The following TCN1 variants were observed in gnomAD, a reference collection of about 807,000 sequenced individuals.
The protein encoded by TCN1 is transcobalamin 1, also known as transcobalamin-1.
TCN1 carries 47 observed loss-of-function variants against 46.3 expected under a neutral mutation model. The ratio of observed to expected loss-of-function variants is 1.01; its 90% confidence interval spans 0.80 to 1.29. The LOEUF is 1.29. Ranked by LOEUF, TCN1 falls within the 50% of genes most tolerant of loss-of-function variation. The pLI is 0.00. For synonymous variants in TCN1, 183 were observed against 192.5 expected (o/e 0.95, Z 0.41); for missense variants, 532 against 511.0 (o/e 1.04, Z -0.40).
chr11:59,861,486 C>G, intron 4 of TCN1, 41 bp downstream of exon 4: 3 of 1,607,506 alleles, frequency 1.9e-6, no homozygotes, highest in Non-Finnish European at 2.6e-6. Context: ...CTACTGGTGA[C>G]CATGTCCTCT....
At position 59,853,104 on chromosome 11, in the gene TCN1, C is replaced by T. The variant is rs1009464587; in HGVS notation, c.1241-68G>A. 3.8e-6 allele frequency: 6 copies of T among 1,598,328 alleles called. No homozygotes were observed. In the Admixed American group the frequency reaches 1.0e-4, roughly 27 times the overall value. On this transcript the variant is annotated intron_variant, in intron 8 of 8. Coordinates refer to ENST00000257264, the MANE Select transcript of TCN1 (RefSeq NM_001062.4). ...CACTAAATCACCAAATAATGGATGT[C>T]ATCTCTACTAACCCCTTGGCCCAAT...
At chr11:59,865,485 A>G (rs1008671426) in intron 1 of TCN1, among the ~76,000 whole-genome samples, 3 of 152,184 alleles carry the variant, frequency 2.0e-5, no homozygotes, top group Non-Finnish European at 4.4e-5. Flanking sequence ...AGAAGAGTCT[A>G]TGCTTTAGCC....
intron 7 of TCN1, among the ~76,000 whole-genome samples, chr11:59,853,607 G>C (rs1410271127): frequency 6.6e-6 from 1 of 152,162 alleles, no homozygotes; most frequent in Non-Finnish European, 1.5e-5. Flanking sequence ...TGCCATGGTA[G>C]ATAGGTTTCA....
At chr11:59,864,903 G>A (rs1020791891) in intron 1 of TCN1, among the ~76,000 whole-genome samples, 1 of 152,122 alleles carries the variant, frequency 6.6e-6, no homozygotes, top group African/African-American at 2.4e-5. Flanking sequence ...AGAACATGAG[G>A]TTTGGATTCA....
At chr11:59,857,949 C>T (rs1367111915) in intron 5 of TCN1, among the ~76,000 whole-genome samples, 1 of 152,170 alleles carries the variant, frequency 6.6e-6, no homozygotes, top group African/African-American at 2.4e-5. Flanking sequence ...GCGGGGGATA[C>T]ATTCCAAGAC....
chr11:59,862,837 A>C, intron 2 of TCN1, 115 bp from the exon 3 acceptor site: 1 of 1,182,058 alleles, frequency 8.5e-7, no homozygotes, highest in South Asian at 1.3e-5. Flanking sequence ...CGCTCTATAC[A>C]GTCTTGTGTC....
At chr11:59,861,794 G>T in intron 3 of TCN1, 112 bp from the exon 4 acceptor site, 1 of 1,269,062 alleles carries the variant, frequency 7.9e-7, no homozygotes, top group Non-Finnish European at 1.1e-6. Context: ...AGGAAAGGTG[G>T]CTAATAGAAG....
At chr11:59,859,307 C>T in intron 4 of TCN1, 40 bp from the exon 5 acceptor site, 1 of 1,606,272 alleles carries the variant, frequency 6.2e-7, no homozygotes, top group Non-Finnish European at 8.5e-7. Flanking sequence ...CGACCAACCA[C>T]CTCAGTTTGT....
intron 5 of TCN1, among the ~76,000 whole-genome samples, chr11:59,857,650 G>A (rs1174204049): frequency 6.6e-6 from 1 of 151,890 alleles, no homozygotes; most frequent in Non-Finnish European, 1.5e-5. Flanking sequence ...TGATGATGCA[G>A]TAAAGTTTTT....
chr11:59,854,225 GTAAAATAAA>G (rs1022733714), intron 7 of TCN1, among the ~76,000 whole-genome samples: 1 of 150,806 alleles, frequency 6.6e-6, no homozygotes, highest in African/African-American at 2.5e-5. Flanking sequence ...GATGCTGTCT[GTAAAATAAA>G]TAAATAAACA....
chr11:59,865,638 A>G (rs1329039891), intron 1 of TCN1, among the ~76,000 whole-genome samples: 2 of 149,626 alleles, frequency 1.3e-5, no homozygotes, highest in African/African-American at 5.1e-5. Context: ...GCACTTGAGA[A>G]CTGCACCAGA....
At chr11:59,856,089 T>G in intron 5 of TCN1, 31 bp from the exon 6 acceptor site, 12 of 1,359,058 alleles carry the variant, frequency 8.8e-6, no homozygotes, top group Admixed American at 1.7e-5. Flanking sequence ...GGGGGGGTGA[T>G]GAGAGATAAA....
Position 59,856,014 on chromosome 11 carries a change from A to G in TCN1, c.792T>C (p.Asn264=). 5.1e-6 allele frequency: 7 copies of G among 1,359,976 alleles called. No homozygotes were observed. Among genetic ancestry groups the G allele is most frequent in the Non-Finnish European group, 6.8e-6 (7 of 1,028,696 alleles). 84.2% of individuals were successfully genotyped at this position (1,359,976 alleles called of 1,614,324 possible). Reference sequence around the variant, plus strand: ...GCACTGTATTCAGAGTTTGTTGGCAATTCCAGTCATTTTCATTATAATAGT... The same window carrying G: ...GCACTGTATTCAGAGTTTGTTGGCAGTTCCAGTCATTTTCATTATAATAGT... ...SSDYYNENDW[N]CQQTLNTVLT... Residue 264 remains asparagine (N), a synonymous_variant, in exon 6 of 9, where the codon AAT becomes AAC. Transcript: ENST00000257264.
chr11:59,859,918 C>A (rs1011064181), intron 4 of TCN1, among the ~76,000 whole-genome samples: 1 of 152,180 alleles, frequency 6.6e-6, no homozygotes, highest in African/African-American at 2.4e-5. Flanking sequence ...CTGTCTGAAG[C>A]CCAGGCCATG....
chr11:59,855,826 T>C, intron 6 of TCN1, 43 bp downstream of exon 6: 1 of 1,608,234 alleles, frequency 6.2e-7, no homozygotes, highest in Non-Finnish European at 8.5e-7. Context: ...CTTTGGGTGC[T>C]ATGGTGAAAA....
chr11:59,853,353 T>G (rs1327056435), intron 7 of TCN1, 32 bp from the exon 8 acceptor site: 5 of 1,589,818 alleles, frequency 3.1e-6, no homozygotes, highest in Non-Finnish European at 4.3e-6. Context: ...TTACTGGAAC[T>G]TAGAATTGTC....
At chr11:59,858,798 G>T (rs1297861191) in intron 5 of TCN1, among the ~76,000 whole-genome samples, 1 of 152,082 alleles carries the variant, frequency 6.6e-6, no homozygotes, top group African/African-American at 2.4e-5. Flanking sequence ...GTGAAACTCT[G>T]TCTCTACTAA....
chr11:59,854,546 C>A, intron 7 of TCN1, 106 bp downstream of exon 7: 1 of 1,238,512 alleles, frequency 8.1e-7, no homozygotes, highest in Non-Finnish European at 1.2e-6. Context: ...AAGCTACTGA[C>A]CCAGAAGCAT....
chr11:59,863,895 A>G lies in TCN1; in HGVS notation c.259+12T>C. On this transcript the variant is annotated intron_variant, in intron 2 of 8. Coordinates refer to ENST00000257264, the MANE Select transcript of TCN1 (RefSeq NM_001062.4). ...TTTTTTTCTAAATCTTCCAGAATAT[A>G]CAGCAACTTACATCTGCTTTTCACA... 6.2e-7 allele frequency: 1 copy of G among 1,613,606 alleles called. No homozygotes were observed. The highest frequency in any genetic ancestry group is 8.5e-7 in the Non-Finnish European group (1 of 1,179,628).
Sources: allele counts gnomAD v4.1 joint callset (sites outside exome capture counted in the v4.1 genomes callset), GRCh38; gene constraint gnomAD v4.1.1; transcripts MANE v1.5; gene names NCBI Gene and HGNC (gene_info 2026-07-23, HGNC 2026-07-21).